Variants in CADM3 observed in about 807,000 individuals in gnomAD.
CADM3 encodes the protein cell adhesion molecule 3.
A neutral mutation model predicts 44.9 loss-of-function variants in CADM3; 11 were observed. The ratio of observed to expected loss-of-function variants is 0.25; its 90% CI spans 0.15 to 0.41. The LOEUF (loss-of-function observed/expected upper bound fraction) is 0.41, where lower values mean the gene tolerates loss of function less well. Ranked by LOEUF, CADM3 falls within the 10% of genes least tolerant of loss-of-function variation. CADM3 has a pLI of 1.00. For synonymous variants in CADM3, 207 were observed against 205.2 expected (o/e 1.01, Z -0.08); for missense variants, 426 against 512.0 (o/e 0.83, Z 1.62).
chr1:159,178,123 ATTG>A (rs775406803), intron 1 of CADM3, among the ~76,000 whole-genome samples: 5 of 152,196 alleles, frequency 3.3e-5, no homozygotes, highest in Admixed American at 6.5e-5. Flanking sequence ...GTTTTACTGT[ATTG>A]TTTAGGCAAT....
chr1:159,192,467 C>T (rs1649704970), intron 2 of CADM3, 111 bp from the exon 3 acceptor site: 4 of 1,245,264 alleles, frequency 3.2e-6, no homozygotes, highest in Non-Finnish European at 4.6e-6. Flanking sequence ...GTTATTTTTT[C>T]CCCACCCACC....
intron 1 of CADM3, among the ~76,000 whole-genome samples, chr1:159,182,994 C>A (rs1230128953): frequency 6.6e-6 from 1 of 152,196 alleles, no homozygotes. Flanking sequence ...CTAACTATCT[C>A]AAAGATTCCC....
intron 1 of CADM3, among the ~76,000 whole-genome samples, chr1:159,179,911 T>C (rs1015977628): frequency 2.6e-5 from 4 of 152,208 alleles, no homozygotes; most frequent in Non-Finnish European, 5.9e-5. Context: ...ACATATTATA[T>C]GTTTCTTCCC....
At chr1:159,188,610 GA>G (rs1271674296) in intron 1 of CADM3, among the ~76,000 whole-genome samples, 10 of 152,192 alleles carry the variant, frequency 6.6e-5, no homozygotes, top group African/African-American at 2.2e-4. Flanking sequence ...CTCAGCAGCG[GA>G]TGAGCTCACT....
chr1:159,198,575 G>A (rs1650007847), intron 7 of CADM3, among the ~76,000 whole-genome samples: 1 of 152,064 alleles, frequency 6.6e-6, no homozygotes, highest in South Asian at 2.1e-4. Flanking sequence ...TGAAACGCGG[G>A]CCCAGCCAAG....
chr1:159,200,990 G>C lies in CADM3; in HGVS notation c.*68G>C, dbSNP rs926919175. 2 of 1,178,966 alleles carry C rather than the reference G, an allele frequency of 1.7e-6. No individual in the cohort carries two copies. The highest frequency in any genetic ancestry group is 3.1e-5 in the African/African-American group (2 of 64,068). 73.0% of individuals were successfully genotyped at this position (1,178,966 alleles called of 1,614,324 possible). On this transcript the variant is annotated 3_prime_UTR_variant, in exon 9 of 9. Coordinates refer to ENST00000368125, the MANE Select transcript of CADM3 (RefSeq NM_001127173.3). ...GACTGCTGGGGCCGTCACCAACCCGGACTTGTACAGAGCAACCGCAGGGCC... is the reference window on the plus strand; with the variant it reads ...GACTGCTGGGGCCGTCACCAACCCGCACTTGTACAGAGCAACCGCAGGGCC...
chr1:159,201,406 A>G lies in CADM3; in HGVS notation c.*484A>G, dbSNP rs1227340634. 6.6e-6 allele frequency: 1 copy of G among 152,358 alleles called. No homozygotes were observed. Among genetic ancestry groups the G allele is most frequent in the Non-Finnish European group, 1.5e-5 (1 of 68,182 alleles). The allele number at this position is 152,358 out of a possible 1,614,324, so 9.4% of individuals were successfully genotyped here. A position where few individuals can be genotyped will look rare whatever the true frequency, so the allele number is the denominator to read the frequency against. On this transcript the variant is annotated 3_prime_UTR_variant, in exon 9 of 9. Coordinates refer to ENST00000368125, the MANE Select transcript of CADM3 (RefSeq NM_001127173.3). ...GCTTCCCAGACTTCTCCAGGAACCC[A>G]GAAACGGGATGGTTGTCGGCAAAGG...
intron 1 of CADM3, among the ~76,000 whole-genome samples, chr1:159,173,459 A>G (rs1648901450): frequency 6.6e-6 from 1 of 151,226 alleles, no homozygotes; most frequent in South Asian, 2.1e-4. Flanking sequence ...TACCCATCAA[A>G]CTCCCCAAAG....
intron 1 of CADM3, among the ~76,000 whole-genome samples, chr1:159,184,607 T>C (rs1275451945): frequency 2.0e-5 from 3 of 152,234 alleles, no homozygotes; most frequent in African/African-American, 4.8e-5. Context: ...ACCCTGTTTA[T>C]GGCTGTAAGG....
intron 7 of CADM3, among the ~76,000 whole-genome samples, chr1:159,199,152 G>C (rs1223677825): frequency 6.6e-6 from 1 of 152,026 alleles, no homozygotes; most frequent in Non-Finnish European, 1.5e-5. Flanking sequence ...AGGTTTTACT[G>C]TTCCTTCCCT....
intron 1 of CADM3, among the ~76,000 whole-genome samples, chr1:159,172,783 CA>C (rs1228820022): frequency 2.6e-5 from 4 of 151,604 alleles, no homozygotes; most frequent in Non-Finnish European, 5.9e-5. Context: ...GAGGCGGGGC[CA>C]GGGGTGAGGG....
At chr1:159,173,907 C>T (rs1215939646) in intron 1 of CADM3, among the ~76,000 whole-genome samples, 1 of 152,206 alleles carries the variant, frequency 6.6e-6, no homozygotes, top group Non-Finnish European at 1.5e-5. Flanking sequence ...ACTCTTCTTT[C>T]TTGGTCCTCA....
At chr1:159,200,058 C>T (rs1557940517) in intron 8 of CADM3, among the ~76,000 whole-genome samples, 182 bp downstream of exon 8, 1 of 152,074 alleles carries the variant, frequency 6.6e-6, no homozygotes. Flanking sequence ...AACTGAGCAC[C>T]ACCAACCCCG....
intron 1 of CADM3, among the ~76,000 whole-genome samples, chr1:159,177,801 C>A (rs1214629374): frequency 1.3e-5 from 2 of 152,186 alleles, no homozygotes; most frequent in Non-Finnish European, 2.9e-5. Flanking sequence ...CCTACAGTGA[C>A]CTCAAATGGC....
At chr1:159,172,052 T>C (rs1445697305) in intron 1 of CADM3, among the ~76,000 whole-genome samples, 199 bp downstream of exon 1, 1 of 152,094 alleles carries the variant, frequency 6.6e-6, no homozygotes, top group Non-Finnish European at 1.5e-5. Context: ...TGTGCACCCT[T>C]CTGTGTACAC....
chr1:159,187,742 C>T (rs994292120), intron 1 of CADM3, among the ~76,000 whole-genome samples: 1 of 152,134 alleles, frequency 6.6e-6, no homozygotes, highest in Non-Finnish European at 1.5e-5. Context: ...ATTTGGTTCC[C>T]TACTGTGTGT....
chr1:159,183,941 G>A (rs907898429), intron 1 of CADM3, among the ~76,000 whole-genome samples: 1 of 152,200 alleles, frequency 6.6e-6, no homozygotes, highest in Non-Finnish European at 1.5e-5. Flanking sequence ...ACCGAAGGAA[G>A]TTAACTGTAC....
At chr1:159,188,598 T>C (rs1649516033) in intron 1 of CADM3, among the ~76,000 whole-genome samples, 1 of 152,180 alleles carries the variant, frequency 6.6e-6, no homozygotes, top group Admixed American at 6.5e-5. Flanking sequence ...CTCTGGGCTC[T>C]GCTCAGCAGC....
chr1:159,198,926 A>G lies in CADM3; in HGVS notation c.953-825A>G, dbSNP rs1650024924. ...GACATCCACTAGCATGAGAGAAAGCATCTTTTCCTTTGCACAAACACTTTG... is the reference window on the plus strand; with the variant it reads ...GACATCCACTAGCATGAGAGAAAGCGTCTTTTCCTTTGCACAAACACTTTG... On this transcript the variant is annotated intron_variant, in intron 7 of 8. Transcript: ENST00000368125. Among the ~76,000 whole-genome samples the G allele has an allele frequency of 5.3e-5, 8 of 152,172 alleles. No individual in the cohort carries two copies. The South Asian group carries it at 1.7e-3, about 31-fold the overall frequency.
Sources: gnomAD v4.1 joint callset for allele counts (sites outside exome capture counted in the v4.1 genomes callset) on GRCh38, gnomAD v4.1.1 for gene constraint, MANE v1.5 for transcripts, NCBI Gene and HGNC (gene_info 2026-07-23, HGNC 2026-07-21) for gene names.